GRM7: variants seen among roughly 807,000 people sequenced by gnomAD.
The protein encoded by GRM7 is metabotropic glutamate receptor 7.
Under a neutral mutation model 84.5 loss-of-function variants are expected in GRM7, and 35 were observed. The ratio of observed to expected loss-of-function variants is 0.41; its 90% CI spans 0.32 to 0.55. GRM7 has a LOEUF of 0.55. Ranked by LOEUF, GRM7 falls within the 20% of genes least tolerant of loss-of-function variation. The pLI is 0.19. For missense variants in GRM7, 1,003 were observed against 1,194.6 expected (o/e 0.84, Z 2.36); for synonymous variants, 487 against 455.1 (o/e 1.07, Z -0.89).
intron 4 of GRM7, among the ~76,000 whole-genome samples, chr3:7,331,134 G>A (rs951085090): frequency 4.6e-5 from 7 of 152,178 alleles, no homozygotes; most frequent in African/African-American, 1.7e-4. Flanking sequence ...GTCTCTCTTA[G>A]TTAATACTGT....
At chr3:6,926,276 A>G (rs1389667275) in intron 1 of GRM7, among the ~76,000 whole-genome samples, 1 of 152,212 alleles carries the variant, frequency 6.6e-6, no homozygotes, top group East Asian at 1.9e-4. Context: ...GCTTTTTTCT[A>G]CATATATCAT....
intron 2 of GRM7, among the ~76,000 whole-genome samples, chr3:7,161,202 A>T (rs1445446717): frequency 6.6e-6 from 1 of 151,696 alleles, no homozygotes; most frequent in Non-Finnish European, 1.5e-5. Flanking sequence ...CACGATCTGA[A>T]GGCACCACCA....
chr3:6,881,362 G>A lies in GRM7; in HGVS notation c.519+19455G>A, dbSNP rs1484807314. ...TGTGTCCATGTGTTCTCATTGTTCA[G>A]CTCCCATTTATAAGTGAGAACATGC... is the stretch of plus-strand genomic sequence containing the variant. On this transcript the variant is annotated intron_variant, in intron 1 of 9. Coordinates refer to ENST00000357716, the MANE Select transcript of GRM7 (RefSeq NM_000844.4). Among the ~76,000 whole-genome samples the A allele has an allele frequency of 2.0e-5, 3 of 151,996 alleles. No individual in the cohort carries two copies. In the East Asian group the frequency reaches 5.8e-4, roughly 29 times the overall value.
intron 7 of GRM7, among the ~76,000 whole-genome samples, chr3:7,491,515 A>T (rs1476619399): frequency 6.6e-6 from 1 of 152,152 alleles, no homozygotes; most frequent in Non-Finnish European, 1.5e-5. Context: ...TTCTGTGTGT[A>T]TGGCATTGCC....
intron 1 of GRM7, among the ~76,000 whole-genome samples, chr3:7,028,254 T>C (rs1201740441): frequency 2.0e-5 from 3 of 152,224 alleles, no homozygotes; most frequent in Admixed American, 2.0e-4. Context: ...AATAGACATT[T>C]GTACTTTTTC....
intron 8 of GRM7, among the ~76,000 whole-genome samples, chr3:7,654,672 T>G (rs535209708): frequency 6.6e-6 from 1 of 152,314 alleles, no homozygotes; most frequent in South Asian, 2.1e-4. Context: ...TATGGGTCTA[T>G]CTGAAAAAAT....
At position 6,946,257 on chromosome 3, in the gene GRM7, C is replaced by A. The variant is rs1339017113; in HGVS notation, c.519+84350C>A. 2.6e-5 allele frequency among the ~76,000 whole-genome samples: 4 copies of A among 152,246 alleles called. No individual in the cohort carries two copies. The East Asian group carries it at 7.7e-4, about 29-fold the overall frequency. On this transcript the variant is annotated intron_variant, in intron 1 of 9. Coordinates refer to ENST00000357716, the MANE Select transcript of GRM7 (RefSeq NM_000844.4). ...TTGTATAAGGTGTAAGGAAGGGATC[C>A]AGTTTCAGCTTTCTACATATGGCTA...
chr3:7,635,714 C>T (rs1049799822), intron 8 of GRM7, among the ~76,000 whole-genome samples: 2 of 152,164 alleles, frequency 1.3e-5, no homozygotes, highest in Non-Finnish European at 2.9e-5. Flanking sequence ...TGCTGTGTTG[C>T]CCAGGCTAGA....
chr3:7,478,604 G>A (rs1044303981), intron 7 of GRM7, among the ~76,000 whole-genome samples: 28 of 152,180 alleles, frequency 1.8e-4, no homozygotes, highest in African/African-American at 6.3e-4. Flanking sequence ...TGATGAAATA[G>A]GGTCCTGAAG....
At chr3:7,607,151 C>T (rs55874537) in intron 8 of GRM7, 1 of 152,102 alleles carries the variant, frequency 6.6e-6, no homozygotes, top group South Asian at 2.1e-4. Flanking sequence ...ACTTGATTTT[C>T]GGACAGGTCT....
chr3:7,448,833 G>C (rs554530450), intron 5 of GRM7, among the ~76,000 whole-genome samples: 5 of 151,692 alleles, frequency 3.3e-5, no homozygotes, highest in African/African-American at 1.2e-4. Context: ...ATTTTTCAAG[G>C]CATTCTCTCC....
chr3:7,729,289 G>T (rs1325651305), intron 9 of GRM7, among the ~76,000 whole-genome samples: 1 of 152,086 alleles, frequency 6.6e-6, no homozygotes, highest in Non-Finnish European at 1.5e-5. Flanking sequence ...CTACCTTCTG[G>T]TTTCAGCTCT....
chr3:7,250,462 T>A, intron 2 of GRM7, among the ~76,000 whole-genome samples: 1 of 151,866 alleles, frequency 6.6e-6, no homozygotes, highest in East Asian at 1.9e-4. Flanking sequence ...TATATATATA[T>A]GTGTGTGCCT....
intron 8 of GRM7, among the ~76,000 whole-genome samples, chr3:7,586,565 C>T (rs962952050): frequency 1.1e-4 from 17 of 152,098 alleles, no homozygotes; most frequent in African/African-American, 3.6e-4. Flanking sequence ...TCCAGCACTT[C>T]GGGAGGCTGA....
At chr3:6,935,462 A>G (rs560782087) in intron 1 of GRM7, among the ~76,000 whole-genome samples, 1 of 152,006 alleles carries the variant, frequency 6.6e-6, no homozygotes, top group South Asian at 2.1e-4. Flanking sequence ...TAAGAGAAAC[A>G]TTGATAGTAT....
chr3:6,960,335 T>A (rs924238023), intron 1 of GRM7, among the ~76,000 whole-genome samples: 4 of 152,178 alleles, frequency 2.6e-5, no homozygotes, highest in Admixed American at 6.5e-5. Context: ...AGCTATGACA[T>A]CACTTTAGCA....
chr3:7,301,733 G>A (rs1352794740), intron 3 of GRM7, among the ~76,000 whole-genome samples: 1 of 152,028 alleles, frequency 6.6e-6, no homozygotes, highest in Non-Finnish European at 1.5e-5. Context: ...AATTATTCTT[G>A]AGCACAGTAC....
At chr3:7,499,641 TAC>T (rs892155429) in intron 7 of GRM7, among the ~76,000 whole-genome samples, 5 of 152,168 alleles carry the variant, frequency 3.3e-5, no homozygotes, top group African/African-American at 1.2e-4. Flanking sequence ...GCTTCCAGAT[TAC>T]ACAGAGTATA....
In GRM7 at chr3:7,624,752, C is replaced by T. The variant is rs150502434; in HGVS notation, c.2451+45395C>T. On this transcript the variant is annotated intron_variant, in intron 8 of 9. Coordinates refer to ENST00000357716, the MANE Select transcript of GRM7 (RefSeq NM_000844.4). ...ACATTAGTTTATCTTAGAAATTTTA[C>T]TGTAGGTGAGCTTAGTGTTAATCTC... Among the ~76,000 whole-genome samples, 284 of 152,248 alleles carry T rather than the reference C, an allele frequency of 1.9e-3. 3 individuals are homozygous for T. Among genetic ancestry groups the T allele is most frequent in the African/African-American group, 6.4e-3 (265 of 41,536 alleles).
Sources: allele counts gnomAD v4.1 joint callset (sites outside exome capture counted in the v4.1 genomes callset), GRCh38; gene constraint gnomAD v4.1.1; transcripts MANE v1.5; gene names NCBI Gene and HGNC (gene_info 2026-07-23, HGNC 2026-07-21).